ECM2: variants seen among roughly 807,000 people sequenced by gnomAD.
The protein encoded by ECM2 is extracellular matrix protein 2, female organ and adipocyte specific.
A neutral mutation model predicts 67.5 loss-of-function variants in ECM2; 57 were observed. The ratio of observed to expected loss-of-function variants is 0.84; its 90% CI spans 0.68 to 1.05. ECM2 has a LOEUF of 1.05. Ranked by LOEUF, ECM2 falls within the 50% of genes least tolerant of loss-of-function variation. The pLI, the probability that ECM2 is intolerant of heterozygous loss-of-function variation, is 0.00. For missense variants in ECM2, 741 were observed against 822.8 expected (o/e 0.90, Z 1.22); for synonymous variants, 258 against 294.5 (o/e 0.88, Z 1.27).
chr9:92,494,900 C>T (rs1437953136), downstream of ECM2, among the ~76,000 whole-genome samples: 4 of 151,868 alleles, frequency 2.6e-5, no homozygotes, highest in Admixed American at 6.6e-5. Flanking sequence ...AGTGACACTC[C>T]GTCTAAAAAA....
At position 92,517,748 on chromosome 9, in the gene ECM2, G is replaced by A. The variant is rs2131222329; in HGVS notation, c.420C>T (p.Pro140=). Residue 140 remains proline, a synonymous_variant, in exon 3 of 10, where the codon CCC becomes CCT. Transcript: ENST00000344604. The part of the protein sequence containing the change: ...RVLCDETMCH[P]QRCPQTVIPE... ...GTATAACTGTTTGGGGGCACCTCTG[G>A]GGATGGCACATGGTTTCATCACAAA... 6.2e-7 allele frequency: 1 copy of A among 1,614,156 alleles called. No homozygotes were observed. Among genetic ancestry groups the A allele is most frequent in the South Asian group, 1.1e-5 (1 of 91,074 alleles).
Position 92,517,844 on chromosome 9 carries a change from T to C in ECM2, c.324A>G (p.Ile108Met). The C allele has an allele frequency of 6.2e-7, 1 of 1,614,188 alleles. No individual in the cohort carries two copies. Among genetic ancestry groups the C allele is most frequent in the Non-Finnish European group, 8.5e-7 (1 of 1,180,036 alleles). Reference sequence around the variant, plus strand: ...ACCACACAGCTTTGTTGTACATGGTTATGCCCTTTACCAAACAGTGTCCCT... The same window carrying C: ...ACCACACAGCTTTGTTGTACATGGTCATGCCCTTTACCAAACAGTGTCCCT... The part of the protein sequence containing the change: ...GKKGHCLVKG[I>M]TMYNKAVWSP... The change falls in exon 3 of 10, where the codon ATA becomes ATG. Residue 108 changes from isoleucine (I) to methionine (M), a missense_variant. By Grantham distance (10) the Ile-to-Met change is conservative. Coordinates refer to ENST00000344604, the MANE Select transcript of ECM2 (RefSeq NM_001393.4).
chr9:92,544,002 T>C, the ECM2 span, among the ~76,000 whole-genome samples: 2 of 152,242 alleles, frequency 1.3e-5, no homozygotes, highest in Non-Finnish European at 2.9e-5. Context: ...ACCTTTATCC[T>C]TTCCATTTTA....
intron 7 of ECM2, among the ~76,000 whole-genome samples, chr9:92,505,158 C>T (rs757861371): frequency 2.0e-5 from 3 of 152,174 alleles, no homozygotes; most frequent in Admixed American, 6.5e-5. Flanking sequence ...CACTCTGTTA[C>T]GGTTAATACC....
At chr9:92,504,836 C>T (rs1846900859) in intron 7 of ECM2, among the ~76,000 whole-genome samples, 1 of 152,178 alleles carries the variant, frequency 6.6e-6, no homozygotes. Flanking sequence ...ACTGCACGGT[C>T]CACCTCAGTG....
Position 92,518,022 on chromosome 9 carries a change from A to G in ECM2, c.293-147T>C, listed in dbSNP as rs376597921. On this transcript the variant is annotated intron_variant, in intron 2 of 9. Transcript: ENST00000344604. ...TTCATGTATAGGGTAAAGATGTCGTATAGACATAAGAAATGCTGAAATGCT... is the reference window on the plus strand; with the variant it reads ...TTCATGTATAGGGTAAAGATGTCGTGTAGACATAAGAAATGCTGAAATGCT... 9.1e-5 allele frequency: 88 copies of G among 966,610 alleles called. No individual in the cohort carries two copies. In the African/African-American group the frequency reaches 1.3e-3, roughly 14 times the overall value. 59.9% of individuals were successfully genotyped at this position (966,610 alleles called of 1,614,324 possible).
intron 6 of ECM2, among the ~76,000 whole-genome samples, chr9:92,505,900 T>G (rs1285804250): frequency 6.6e-6 from 1 of 152,042 alleles, no homozygotes; most frequent in Admixed American, 6.6e-5. Context: ...CATGGTCCAG[T>G]AGTGAGGCAG....
chr9:92,514,480 G>T, intron 4 of ECM2, 151 bp downstream of exon 4: 1 of 1,031,316 alleles, frequency 9.7e-7, no homozygotes, highest in Non-Finnish European at 1.3e-6. Context: ...TCACCATATT[G>T]TCCAGGCTGG....
downstream of ECM2, among the ~76,000 whole-genome samples, chr9:92,494,735 C>T (rs977750470): frequency 6.6e-6 from 1 of 151,932 alleles, no homozygotes; most frequent in African/African-American, 2.4e-5. Flanking sequence ...GGTAAAACCC[C>T]ATCTCTATTA....
chr9:92,532,015 G>GTTTTGTTT (rs1848797660), intron 1 of ECM2, among the ~76,000 whole-genome samples: 3 of 95,736 alleles, frequency 3.1e-5, no homozygotes, highest in African/African-American at 1.2e-4. Flanking sequence ...TTTATTTAAT[G>GTTTTGTTT]TTTTTTTTTT....
chr9:92,555,214 A>ATTT, the ECM2 span, among the ~76,000 whole-genome samples: 422 of 63,446 alleles, frequency 6.7e-3, 24 homozygotes, highest in East Asian at 0.015. Context: ...TTTTTTGGAA[A>ATTT]TTTTTTTTTT....
chr9:92,501,159 A>T (rs984003366), intron 8 of ECM2, 106 bp from the exon 9 acceptor site: 1 of 1,155,682 alleles, frequency 8.7e-7, no homozygotes, highest in Non-Finnish European at 1.2e-6. Context: ...TCCTATAAGC[A>T]CCCAGTTTGT....
intron 1 of ECM2, among the ~76,000 whole-genome samples, chr9:92,532,034 A>ATTTTTTTTTTTTTTTTTTTTTT (rs58499748): frequency 3.1e-5 from 3 of 98,248 alleles, no homozygotes; most frequent in Admixed American, 9.8e-5. Context: ...TTTTTATTTT[A>ATTTTTTTTTTTTTTTTTTTTTT]TTTTTTTTTT....
intron 2 of ECM2, among the ~76,000 whole-genome samples, chr9:92,519,401 C>G (rs1257698604): frequency 6.6e-6 from 1 of 152,190 alleles, no homozygotes; most frequent in African/African-American, 2.4e-5. Context: ...CTCACACTTT[C>G]AGATTTCAAA....
In ECM2 at chr9:92,496,461, A is replaced by C; in HGVS notation, c.1954T>G (p.Cys652Gly). Reference protein sequence around the residue: ...KIRNILPEEICNAEEDDDSNL... With the variant: ...KIRNILPEEIGNAEEDDDSNL... Reference sequence around the variant, plus strand: ...GAGTCATCATCCTCTTCAGCATTGCAAATTTCTTCTGGAAGAATGTTCCTA... The same window carrying C: ...GAGTCATCATCCTCTTCAGCATTGCCAATTTCTTCTGGAAGAATGTTCCTA... Residue 652 changes from cysteine to glycine, a missense_variant, in exon 10 of 10, where the codon TGC becomes GGC. Transcript: ENST00000344604. The C allele has an allele frequency of 6.2e-7, 1 of 1,608,834 alleles. No individual in the cohort carries two copies. The highest frequency in any genetic ancestry group is 1.1e-5 in the South Asian group (1 of 89,230).
the ECM2 span, among the ~76,000 whole-genome samples, chr9:92,546,801 AAAC>A: frequency 6.6e-6 from 1 of 152,228 alleles, no homozygotes; most frequent in African/African-American, 2.4e-5. Context: ...TTCTTTAAAA[AAAC>A]AATAAAATTG....
chr9:92,554,730 C>T, the ECM2 span, among the ~76,000 whole-genome samples: 4 of 151,842 alleles, frequency 2.6e-5, no homozygotes, highest in Non-Finnish European at 4.4e-5. Flanking sequence ...CTCCGCTGCC[C>T]GGCTTCAAGC....
upstream of ECM2, among the ~76,000 whole-genome samples, chr9:92,540,732 C>G (rs923778372): frequency 6.6e-6 from 1 of 151,514 alleles, no homozygotes; most frequent in Non-Finnish European, 1.5e-5. Flanking sequence ...GATCACACCA[C>G]TGCACTCTAG....
intron 6 of ECM2, among the ~76,000 whole-genome samples, chr9:92,507,634 C>T (rs1259021421): frequency 2.0e-5 from 3 of 152,116 alleles, no homozygotes; most frequent in Admixed American, 6.5e-5. Context: ...GCAGGTGCCT[C>T]GATGTTCCTG....
Sources: gnomAD v4.1 joint callset for allele counts (sites outside exome capture counted in the v4.1 genomes callset) on GRCh38, gnomAD v4.1.1 for gene constraint, MANE v1.5 for transcripts, NCBI Gene and HGNC (gene_info 2026-07-23, HGNC 2026-07-21) for gene names.